The following ERCC6L2 variants were observed in gnomAD, a reference collection of about 807,000 sequenced individuals.
ERCC6L2 encodes the protein DNA excision repair protein ERCC-6-like 2.
ERCC6L2 carries 77 observed loss-of-function variants against 132.0 expected under a neutral mutation model. That is an observed-to-expected ratio of 0.58 (90% confidence interval 0.49 to 0.71). The LOEUF (loss-of-function observed/expected upper bound fraction) is 0.71. Ranked by LOEUF, ERCC6L2 falls within the 30% of genes least tolerant of loss-of-function variation. The probability of loss-of-function intolerance (pLI) is 0.00; values close to 1 mark genes in which losing one functional copy is unlikely to be tolerated. For synonymous variants in ERCC6L2, 583 were observed against 632.4 expected (o/e 0.92, Z 1.17); for missense variants, 1,542 against 1,837.6 (o/e 0.84, Z 2.94).
At chr9:95,981,025 G>A (rs1448231231) in intron 17 of ERCC6L2, among the ~76,000 whole-genome samples, 2 of 152,146 alleles carry the variant, frequency 1.3e-5, no homozygotes, top group Non-Finnish European at 2.9e-5. Flanking sequence ...TCTGTAGCCA[G>A]TTGCAGACGT....
chr9:95,901,265 AT>A (rs930606782), intron 3 of ERCC6L2, among the ~76,000 whole-genome samples: 104 of 149,780 alleles, frequency 6.9e-4, no homozygotes, highest in Middle Eastern at 7.0e-3. Flanking sequence ...CTTGGAAAGG[AT>A]TTTTTTTTTA....
chr9:96,038,313 A>G (rs1029658441), intron 19 of ERCC6L2, among the ~76,000 whole-genome samples: 20 of 152,322 alleles, frequency 1.3e-4, no homozygotes, highest in Admixed American at 3.9e-4. Context: ...AGAATGATCA[A>G]GCCCGAATAA....
intron 8 of ERCC6L2, among the ~76,000 whole-genome samples, chr9:95,923,032 A>G (rs939125158): frequency 6.6e-6 from 1 of 152,202 alleles, no homozygotes; most frequent in African/African-American, 2.4e-5. Context: ...AATCTTAAAA[A>G]ATTGAAAAGT....
At chr9:95,937,648 A>C (rs1458932662) in intron 11 of ERCC6L2, among the ~76,000 whole-genome samples, 1 of 151,902 alleles carries the variant, frequency 6.6e-6, no homozygotes, top group Non-Finnish European at 1.5e-5. Context: ...TATAGTATTC[A>C]TTTATCCTTT....
At chr9:95,949,970 G>A (rs1473689466) in intron 12 of ERCC6L2, among the ~76,000 whole-genome samples, 1 of 150,962 alleles carries the variant, frequency 6.6e-6, no homozygotes, top group Non-Finnish European at 1.5e-5. Context: ...TGCCGAGATT[G>A]TGCCACTACA....
chr9:96,001,076 C>T (rs547549471), intron 17 of ERCC6L2, among the ~76,000 whole-genome samples: 77 of 151,596 alleles, frequency 5.1e-4, no homozygotes, highest in African/African-American at 1.7e-3. Flanking sequence ...TAAGGCAGCG[C>T]GTCTGGAGTT....
At chr9:95,963,147 C>CTGTGTGTG (rs34128119) in intron 13 of ERCC6L2, among the ~76,000 whole-genome samples, 13 of 148,622 alleles carry the variant, frequency 8.7e-5, no homozygotes, top group East Asian at 4.0e-4. Context: ...GTCATCTCGT[C>CTGTGTGTG]TGTGTGTGTG....
intron 9 of ERCC6L2, among the ~76,000 whole-genome samples, chr9:95,927,377 CTG>C (rs1279596652): frequency 5.9e-5 from 9 of 152,206 alleles, no homozygotes; most frequent in African/African-American, 2.2e-4. Flanking sequence ...TTTTTCCCCT[CTG>C]TGGATTGCTT....
At chr9:95,915,049 A>C (rs563206770) in intron 4 of ERCC6L2, among the ~76,000 whole-genome samples, 1 of 152,282 alleles carries the variant, frequency 6.6e-6, no homozygotes, top group South Asian at 2.1e-4. Flanking sequence ...CAAATATTCC[A>C]ATTAGGCTGG....
At chr9:96,030,400 G>A (rs964911290) in intron 19 of ERCC6L2, among the ~76,000 whole-genome samples, 1 of 152,032 alleles carries the variant, frequency 6.6e-6, no homozygotes, top group South Asian at 2.1e-4. Context: ...TCACTCTTTG[G>A]GTCCGTGCCA....
chr9:95,983,240 A>C (rs1431323541), intron 17 of ERCC6L2, among the ~76,000 whole-genome samples: 1 of 152,192 alleles, frequency 6.6e-6, no homozygotes, highest in Admixed American at 6.6e-5. Flanking sequence ...CTGATTTCTA[A>C]TGAAAAATGC....
At chr9:95,896,207 T>C (rs1005524954) in intron 2 of ERCC6L2, among the ~76,000 whole-genome samples, 8 of 152,144 alleles carry the variant, frequency 5.3e-5, no homozygotes, top group African/African-American at 1.7e-4. Flanking sequence ...TGTGGCTCTT[T>C]TGGTGATGAA....
chr9:96,006,037 C>T (rs1375458432), intron 18 of ERCC6L2, among the ~76,000 whole-genome samples: 1 of 152,122 alleles, frequency 6.6e-6, no homozygotes. Context: ...CAGGAGTTCC[C>T]TTTTGCACGT....
intron 19 of ERCC6L2, among the ~76,000 whole-genome samples, chr9:96,032,009 G>A (rs921710020): frequency 6.6e-6 from 1 of 152,202 alleles, no homozygotes; most frequent in Non-Finnish European, 1.5e-5. Flanking sequence ...CCTGTGGGTG[G>A]CACGTCATGA....
chr9:96,009,455 A>G (rs1179114054), intron 18 of ERCC6L2, among the ~76,000 whole-genome samples: 1 of 152,238 alleles, frequency 6.6e-6, no homozygotes, highest in Non-Finnish European at 1.5e-5. Context: ...CCGGAAGCTT[A>G]GGCAGACAGA....
At chr9:96,000,655 CCAGA>C (rs894774375) in intron 17 of ERCC6L2, among the ~76,000 whole-genome samples, 84 of 152,244 alleles carry the variant, frequency 5.5e-4, no homozygotes, top group African/African-American at 2.0e-3. Context: ...AAAAAAAAGA[CCAGA>C]CACAGTGGCT....
At chr9:95,897,526 G>C (rs955535784) in intron 2 of ERCC6L2, among the ~76,000 whole-genome samples, 4 of 152,092 alleles carry the variant, frequency 2.6e-5, no homozygotes, top group African/African-American at 9.7e-5. Flanking sequence ...TATTCTGATA[G>C]AGGATACGAA....
At chr9:96,009,137 G>C (rs1398886046) in intron 18 of ERCC6L2, among the ~76,000 whole-genome samples, 1 of 152,192 alleles carries the variant, frequency 6.6e-6, no homozygotes, top group African/African-American at 2.4e-5. Flanking sequence ...TGCTGTGGTC[G>C]GGGAGTTTGC....
chr9:96,005,753 T>G (rs913295074), intron 18 of ERCC6L2, among the ~76,000 whole-genome samples: 2 of 152,042 alleles, frequency 1.3e-5, no homozygotes, highest in African/African-American at 4.8e-5. Context: ...GGAAAACTGT[T>G]GAAGAATGGC....
Sources: allele counts gnomAD v4.1 joint callset (sites outside exome capture counted in the v4.1 genomes callset), GRCh38; gene constraint gnomAD v4.1.1; transcripts MANE v1.5; gene names NCBI Gene and HGNC (gene_info 2026-07-23, HGNC 2026-07-21).